The following FHIT variants were observed in gnomAD, a reference collection of about 807,000 sequenced individuals.
FHIT encodes bis(5'-adenosyl)-triphosphatase.
FHIT carries 19 observed loss-of-function variants against 17.9 expected under a neutral mutation model. The ratio of observed to expected loss-of-function variants is 1.06; its 90% CI spans 0.74 to 1.56. FHIT has a LOEUF of 1.56. Among genes scored for constraint, FHIT ranks in the 40% most tolerant of loss-of-function variants. The pLI is 0.00. For synonymous variants in FHIT, 81 were observed against 69.7 expected, an observed-to-expected ratio of 1.16 and a Z score of -0.81; for missense variants, 248 against 189.2, an observed-to-expected ratio of 1.31 and a Z score of -1.82.
At chr3:60,879,423 C>A (rs1704848258) in intron 3 of FHIT, among the ~76,000 whole-genome samples, 1 of 152,220 alleles carries the variant, frequency 6.6e-6, no homozygotes, top group Admixed American at 6.5e-5. Context: ...GAAAGTCTTT[C>A]TCTGCAAAAG....
At chr3:60,568,272 C>T (rs1021471467) in intron 4 of FHIT, among the ~76,000 whole-genome samples, 2 of 152,144 alleles carry the variant, frequency 1.3e-5, no homozygotes, top group African/African-American at 2.4e-5. Flanking sequence ...GAATACTATG[C>T]AGCCATAAAA....
At chr3:60,601,220 C>T (rs1458674633) in intron 4 of FHIT, among the ~76,000 whole-genome samples, 2 of 152,210 alleles carry the variant, frequency 1.3e-5, no homozygotes, top group Admixed American at 1.3e-4. Context: ...CTGCACCCTG[C>T]TTCCCCACAG....
At chr3:60,378,906 T>G (rs565057687) in intron 5 of FHIT, among the ~76,000 whole-genome samples, 7 of 152,252 alleles carry the variant, frequency 4.6e-5, no homozygotes, top group Non-Finnish European at 8.8e-5. Flanking sequence ...TCAAAAAAAA[T>G]AAAGCACTAA....
intron 8 of FHIT, among the ~76,000 whole-genome samples, chr3:59,757,383 G>A (rs1701271563): frequency 6.6e-6 from 1 of 152,176 alleles, no homozygotes; most frequent in Non-Finnish European, 1.5e-5. Context: ...TTTGGGGAAG[G>A]TAGTGTTAAC....
Position 60,027,148 on chromosome 3 carries a change from C to CAAAAA in FHIT, c.104-12997_104-12996insTTTTT, listed in dbSNP as rs57414828. On this transcript the variant is annotated intron_variant, in intron 5 of 9. Transcript: ENST00000492590. ...ACACACACACACACACACACACACACAAAATTAGTAAACCCAATAATCCAC... is the reference window on the plus strand; with the variant it reads ...ACACACACACACACACACACACACACAAAAAAAAATTAGTAAACCCAATAATCCAC... Among the ~76,000 whole-genome samples, 643 of 125,840 alleles carry CAAAAA rather than the reference C, an allele frequency of 5.1e-3. 18 individuals are homozygous for CAAAAA. Among genetic ancestry groups the CAAAAA allele is most frequent in the African/African-American group, 0.016 (608 of 36,946 alleles). 82.6% of individuals were successfully genotyped at this position (125,840 alleles called of 152,430 possible).
At chr3:60,892,217 C>T (rs1254319843) in intron 3 of FHIT, among the ~76,000 whole-genome samples, 1 of 152,148 alleles carries the variant, frequency 6.6e-6, no homozygotes, top group African/African-American at 2.4e-5. Flanking sequence ...TTAACATATC[C>T]TCTTTTTGAA....
intron 4 of FHIT, among the ~76,000 whole-genome samples, chr3:60,619,425 T>C (rs2039050275): frequency 6.6e-6 from 1 of 151,938 alleles, no homozygotes; most frequent in African/African-American, 2.4e-5. Context: ...CAATATTAAA[T>C]GAGAAGAACA....
intron 4 of FHIT, among the ~76,000 whole-genome samples, chr3:60,614,831 G>GTTTTT (rs1327062142): frequency 1.9e-5 from 1 of 53,480 alleles, no homozygotes; most frequent in African/African-American, 5.5e-5. Flanking sequence ...TTTTTTTTTT[G>GTTTTT]TTTTTTTTTT....
chr3:59,783,781 C>A (rs1472658038), intron 8 of FHIT, among the ~76,000 whole-genome samples: 1 of 152,162 alleles, frequency 6.6e-6, no homozygotes, highest in Non-Finnish European at 1.5e-5. Context: ...TGATTTGCCA[C>A]AACCCCCACA....
chr3:60,764,824 T>C (rs1699793800), intron 4 of FHIT, among the ~76,000 whole-genome samples: 1 of 151,514 alleles, frequency 6.6e-6, no homozygotes, highest in South Asian at 2.1e-4. Flanking sequence ...CATGTCAATA[T>C]ATGAATATAT....
intron 3 of FHIT, among the ~76,000 whole-genome samples, chr3:60,978,860 G>A (rs1481929567): frequency 2.0e-5 from 3 of 152,090 alleles, no homozygotes; most frequent in African/African-American, 4.8e-5. Context: ...CATGACTTTG[G>A]CTCTTCCTTA....
chr3:60,506,476 G>A (rs1263927980), intron 5 of FHIT, among the ~76,000 whole-genome samples: 1 of 152,170 alleles, frequency 6.6e-6, no homozygotes, highest in Non-Finnish European at 1.5e-5. Context: ...TCGGACAAGT[G>A]TGTTTACTAT....
At chr3:60,146,426 C>G (rs1700244037) in intron 5 of FHIT, among the ~76,000 whole-genome samples, 1 of 151,760 alleles carries the variant, frequency 6.6e-6, no homozygotes. Flanking sequence ...TCATAAACAC[C>G]CCATCCTCTC....
At chr3:61,015,996 C>T (rs1033484987) in intron 3 of FHIT, among the ~76,000 whole-genome samples, 1 of 152,226 alleles carries the variant, frequency 6.6e-6, no homozygotes, top group Non-Finnish European at 1.5e-5. Flanking sequence ...AACAACATAA[C>T]TGCTCTGAGA....
chr3:60,127,901 G>T lies in FHIT; in HGVS notation c.104-113749C>A, dbSNP rs186704864. ...CAGCTTTGGCCTCTCCAAGTGCTGG[G>T]ATTACAGTCATGAGCCATCTCATGC... On this transcript the variant is annotated intron_variant, in intron 5 of 9. Transcript: ENST00000492590. 1.0e-3 allele frequency among the ~76,000 whole-genome samples: 157 copies of T among 152,238 alleles called. 1 individual carries two copies. The highest frequency in any genetic ancestry group is 3.5e-3 in the African/African-American group (147 of 41,554).
At chr3:61,049,150 A>T (rs2033930343) in intron 2 of FHIT, among the ~76,000 whole-genome samples, 1 of 151,792 alleles carries the variant, frequency 6.6e-6, no homozygotes, top group Non-Finnish European at 1.5e-5. Context: ...ATATATTTTT[A>T]AAATCCATAA....
intron 7 of FHIT, among the ~76,000 whole-genome samples, chr3:59,983,772 T>C (rs574022903): frequency 1.6e-4 from 25 of 152,118 alleles, no homozygotes; most frequent in Middle Eastern, 3.4e-3. Flanking sequence ...AATGAGAGGA[T>C]TGCCCCATTA....
At chr3:60,377,672 G>A (rs1276870045) in intron 5 of FHIT, among the ~76,000 whole-genome samples, 3 of 148,574 alleles carry the variant, frequency 2.0e-5, no homozygotes, top group South Asian at 2.2e-4. Context: ...TAGTAGAGAC[G>A]GGGTTTCACC....
At chr3:60,421,457 C>T (rs982933999) in intron 5 of FHIT, among the ~76,000 whole-genome samples, 1 of 152,010 alleles carries the variant, frequency 6.6e-6, no homozygotes, top group Admixed American at 6.6e-5. Context: ...TGGTGAGACC[C>T]AGAAATTTTA....
Sources: allele counts gnomAD v4.1 joint callset (sites outside exome capture counted in the v4.1 genomes callset), GRCh38; gene constraint gnomAD v4.1.1; transcripts MANE v1.5; gene names NCBI Gene and HGNC (gene_info 2026-07-23, HGNC 2026-07-21).